Variants in SLC39A8 observed in about 807,000 individuals in gnomAD.
SLC39A8 encodes the protein solute carrier family 39 member 8.
A neutral mutation model predicts 40.4 loss-of-function variants in SLC39A8; 15 were observed. That is an observed-to-expected ratio of 0.37 (90% CI 0.25 to 0.57). SLC39A8 has a LOEUF of 0.57. SLC39A8 is among the 20% of genes least tolerant of loss of function. The pLI, the probability that SLC39A8 is intolerant of heterozygous loss-of-function variation, is 0.75. For missense variants in SLC39A8, 472 were observed against 558.8 expected (o/e 0.84, Z 1.57); for synonymous variants, 223 against 221.6 (o/e 1.01, Z -0.06).
At chr4:102,335,472 C>G (rs944659626) in intron 2 of SLC39A8, among the ~76,000 whole-genome samples, 1 of 152,258 alleles carries the variant, frequency 6.6e-6, no homozygotes, top group Non-Finnish European at 1.5e-5. Context: ...CTGGATTCTT[C>G]GGCTTGCAAA....
chr4:102,266,565 T>C (rs930632654), intron 8 of SLC39A8, among the ~76,000 whole-genome samples: 3 of 152,192 alleles, frequency 2.0e-5, no homozygotes, highest in Non-Finnish European at 4.4e-5. Flanking sequence ...TTTCCATGAT[T>C]TATTTTAAAA....
rs181482471 is a variant in SLC39A8, at chr4:102,335,381, A to G, written c.219+9063T>C. Among the ~76,000 whole-genome samples, 18 of 152,254 alleles carry G rather than the reference A, an allele frequency of 1.2e-4. No homozygotes were observed. The East Asian group carries it at 3.3e-3, about 28-fold the overall frequency. ...CTGTCGCTGAAGAGATACATCTCTC[A>G]CTTCTTCCAGTTAGACTAAAATAAT... On this transcript the variant is annotated intron_variant, in intron 2 of 8. Transcript: ENST00000356736.
intron 6 of SLC39A8, among the ~76,000 whole-genome samples, chr4:102,271,650 T>C (rs1354114629): frequency 6.6e-6 from 1 of 152,136 alleles, no homozygotes; most frequent in Non-Finnish European, 1.5e-5. Context: ...TTCCTCCCAT[T>C]ATAAGGGGAT....
At chr4:102,297,482 A>ATC (rs1733726702) in intron 6 of SLC39A8, among the ~76,000 whole-genome samples, 1 of 152,138 alleles carries the variant, frequency 6.6e-6, no homozygotes, top group South Asian at 2.1e-4. Context: ...GAATTAGCCA[A>ATC]TCTTTAGAAA....
At chr4:102,309,837 C>T (rs1025445112) in intron 3 of SLC39A8, among the ~76,000 whole-genome samples, 1 of 152,050 alleles carries the variant, frequency 6.6e-6, no homozygotes, top group Admixed American at 6.6e-5. Flanking sequence ...CCATAGACAA[C>T]TGGTGATCAA....
chr4:102,276,636 T>C (rs532712512), intron 6 of SLC39A8, among the ~76,000 whole-genome samples: 1 of 152,304 alleles, frequency 6.6e-6, no homozygotes, highest in East Asian at 1.9e-4. Context: ...TAGCTCATTT[T>C]ATGAGGCCAG....
At chr4:102,295,490 A>T (rs1165396578) in intron 6 of SLC39A8, among the ~76,000 whole-genome samples, 3 of 152,052 alleles carry the variant, frequency 2.0e-5, no homozygotes, top group African/African-American at 7.2e-5. Flanking sequence ...AAGCACATTC[A>T]TACCTAATCT....
chr4:102,317,691 A>G (rs1387564640), intron 2 of SLC39A8, among the ~76,000 whole-genome samples: 2 of 152,200 alleles, frequency 1.3e-5, no homozygotes, highest in Admixed American at 6.5e-5. Flanking sequence ...GATAGCACAC[A>G]CAGAGAGCAC....
intron 6 of SLC39A8, among the ~76,000 whole-genome samples, chr4:102,276,029 A>C (rs568906832): frequency 6.6e-6 from 1 of 152,340 alleles, no homozygotes; most frequent in East Asian, 1.9e-4. Context: ...CACAGGAGAA[A>C]GTGGAAAAGA....
At chr4:102,333,677 A>G (rs1735560320) in intron 2 of SLC39A8, among the ~76,000 whole-genome samples, 1 of 152,202 alleles carries the variant, frequency 6.6e-6, no homozygotes, top group Non-Finnish European at 1.5e-5. Context: ...AGAGTTAGAC[A>G]TCAATTGTCA....
chr4:102,337,446 T>C (rs1735722265), intron 2 of SLC39A8, among the ~76,000 whole-genome samples: 2 of 151,992 alleles, frequency 1.3e-5, no homozygotes, highest in African/African-American at 4.8e-5. Context: ...GGAACATCCC[T>C]AGAGAGAAAG....
chr4:102,322,766 A>G (rs972763346), intron 2 of SLC39A8, among the ~76,000 whole-genome samples: 2 of 152,270 alleles, frequency 1.3e-5, no homozygotes, highest in South Asian at 2.1e-4. Context: ...CACATTCCCA[A>G]TAAGGAAAGT....
At chr4:102,303,460 A>G (rs970867790) in intron 6 of SLC39A8, among the ~76,000 whole-genome samples, 1 of 151,962 alleles carries the variant, frequency 6.6e-6, no homozygotes. Flanking sequence ...AGTCAGGTCA[A>G]TTTCCTTCTA....
chr4:102,275,044 T>C (rs1046004583), intron 6 of SLC39A8, among the ~76,000 whole-genome samples: 3 of 152,104 alleles, frequency 2.0e-5, no homozygotes, highest in Non-Finnish European at 4.4e-5. Context: ...CTGCATCAAC[T>C]AATGGGCAAA....
At chr4:102,296,210 A>C (rs1263446374) in intron 6 of SLC39A8, among the ~76,000 whole-genome samples, 1 of 152,136 alleles carries the variant, frequency 6.6e-6, no homozygotes, top group Non-Finnish European at 1.5e-5. Flanking sequence ...TTTAAGGTAG[A>C]TAAGAAAAAT....
At chr4:102,276,212 A>T (rs1037446142) in intron 6 of SLC39A8, among the ~76,000 whole-genome samples, 3 of 152,154 alleles carry the variant, frequency 2.0e-5, no homozygotes, top group Non-Finnish European at 4.4e-5. Flanking sequence ...TTTTTTGAAA[A>T]GATTAGCAAA....
At chr4:102,325,969 T>C (rs1186910256) in intron 2 of SLC39A8, among the ~76,000 whole-genome samples, 1 of 152,158 alleles carries the variant, frequency 6.6e-6, no homozygotes, top group East Asian at 1.9e-4. Flanking sequence ...CTTTTCGAGG[T>C]CTTGTCTTGA....
chr4:102,279,736 T>C (rs1335479238), intron 6 of SLC39A8, among the ~76,000 whole-genome samples: 4 of 152,130 alleles, frequency 2.6e-5, no homozygotes, highest in South Asian at 2.1e-4. Flanking sequence ...ATATTTTATA[T>C]GAAGAGTGTT....
At chr4:102,301,914 T>C (rs1363665706) in intron 6 of SLC39A8, among the ~76,000 whole-genome samples, 1 of 152,070 alleles carries the variant, frequency 6.6e-6, no homozygotes, top group Non-Finnish European at 1.5e-5. Context: ...TAAATATGCC[T>C]ATCAGCTCAT....
Sources: allele counts gnomAD v4.1 joint callset (sites outside exome capture counted in the v4.1 genomes callset), GRCh38; gene constraint gnomAD v4.1.1; transcripts MANE v1.5; gene names NCBI Gene and HGNC (gene_info 2026-07-23, HGNC 2026-07-21).